Variants in SMTN observed in about 807,000 individuals in gnomAD.
The protein encoded by SMTN is smoothelin.
In SMTN, 58 loss-of-function variants were observed where a neutral mutation model predicts 102.0. That is an observed-to-expected ratio of 0.57 (90% confidence interval 0.46 to 0.71). The LOEUF is 0.71. Ranked by LOEUF, SMTN falls within the 30% of genes least tolerant of loss-of-function variation. The probability of loss-of-function intolerance (pLI) is 0.00; values close to 1 mark genes in which losing one functional copy is unlikely to be tolerated. For missense variants in SMTN, 1,185 were observed against 1,241.7 expected (o/e 0.95, Z 0.69); for synonymous variants, 478 against 497.9 (o/e 0.96, Z 0.53).
chr22:31,089,395 C>G (rs2042946594), intron 6 of SMTN, among the ~76,000 whole-genome samples: 1 of 152,220 alleles, frequency 6.6e-6, no homozygotes, highest in Non-Finnish European at 1.5e-5. Flanking sequence ...GGAACCTCCA[C>G]TCCAGGGATC....
Position 31,098,784 on chromosome 22 carries a change from A to G in SMTN, c.2277A>G (p.Ser759=). ...AGGCGCAGAGTCTGCCCAAGACCTC[A>G]GCCTCCCAGGCGCGCAAGGCCATGA... The part of the protein sequence containing the change: ...LMKAQSLPKT[S]ASQARKAMIE... The change falls in exon 17 of 21, where the codon TCA becomes TCG. Residue 759 remains serine (S), a synonymous_variant. Transcript: ENST00000333137. 2 of 1,613,084 alleles carry G rather than the reference A, an allele frequency of 1.2e-6. No homozygotes were observed. The highest frequency in any genetic ancestry group is 8.5e-7 in the Non-Finnish European group (1 of 1,179,850).
In SMTN at chr22:31,101,058, C is replaced by T. The variant is rs769622126; in HGVS notation, c.*20+9C>T. On this transcript the variant is annotated intron_variant, in intron 20 of 20. Coordinates refer to ENST00000333137, the MANE Select transcript of SMTN (RefSeq NM_134269.3). Reference sequence around the variant, plus strand: ...CTGCTCGGGGCCCCACGGTGAGAAACGCCGCCTCTACCACCTGCCCCGTTT... The same window carrying T: ...CTGCTCGGGGCCCCACGGTGAGAAATGCCGCCTCTACCACCTGCCCCGTTT... The T allele has an allele frequency of 2.6e-5, 42 of 1,586,032 alleles. No homozygotes were observed. Among genetic ancestry groups the T allele is most frequent in the African/African-American group, 2.0e-4 (15 of 74,236 alleles).
At position 31,089,780 on chromosome 22, in the gene SMTN, A is replaced by T; in HGVS notation, c.553A>T (p.Thr185Ser). 6.2e-7 allele frequency: 1 copy of T among 1,613,004 alleles called. No individual in the cohort carries two copies. The highest frequency in any genetic ancestry group is 8.5e-7 in the Non-Finnish European group (1 of 1,179,944). ...CCCTGAAGGCACCAGCCAGGATGTG[A>T]CCACAGTGACACTCCTGCTGCGAGC... is the stretch of plus-strand genomic sequence containing the variant. ...PTPEGTSQDV[T>S]TVTLLLRAPP... The change falls in exon 7 of 21, where the codon ACC becomes TCC. Residue 185 changes from threonine (T) to serine (S), a missense_variant. By Grantham distance (58) the Thr-to-Ser change is moderately conservative (BLOSUM62 1). This residue lies in a region of SMTN where 1,096 missense variants were observed against 1,112.7 expected (regional missense o/e 0.98). Transcript: ENST00000333137.
intron 11 of SMTN, among the ~76,000 whole-genome samples, chr22:31,092,993 G>C (rs1018468763): frequency 6.6e-6 from 1 of 152,238 alleles, no homozygotes; most frequent in Non-Finnish European, 1.5e-5. Flanking sequence ...GCTGGAGTTA[G>C]GGTAAAGGGT....
rs2044348813 is a variant in SMTN at position 31,104,586 on chromosome 22, A to G, written c.*291A>G. 3 of 944,092 alleles carry G rather than the reference A, an allele frequency of 3.2e-6. No homozygotes were observed. The highest frequency in any genetic ancestry group is 2.5e-5 in the East Asian group (1 of 39,824). The allele number at this position is 944,092 out of a possible 1,614,324, so 58.5% of individuals were successfully genotyped here. A position where few individuals can be genotyped will look rare whatever the true frequency, so the allele number is the denominator to read the frequency against. ...TGTTGCGACACCCTCCCCCCCACAT[A>G]CACACGCAGCGTTTTGATAAATTAT... On this transcript the variant is annotated 3_prime_UTR_variant, in exon 21 of 21. Transcript: ENST00000333137.
Position 31,099,165 on chromosome 22 carries a change from A to G in SMTN, c.2437A>G (p.Thr813Ala), listed in dbSNP as rs1284980958. The G allele has an allele frequency of 1.2e-6, 2 of 1,612,204 alleles. No homozygotes were observed. The highest frequency in any genetic ancestry group is 2.2e-5 in the East Asian group (1 of 44,860). Residue 813 changes from threonine (T) to alanine (A), a missense_variant, in exon 18 of 21, where the codon ACT becomes GCT. By Grantham distance (58) the Thr-to-Ala change is moderately conservative. Transcript: ENST00000333137. ...GCTGCTGGACTGGTGTCGAGCCAAG[A>G]CTCGCGGCTACGAGGTGAGCCCCGG... ...QMLLDWCRAK[T>A]RGYEHVDIQN...
chr22:31,073,011 C>CT lies in SMTN; in HGVS notation c.-385-7418dup, dbSNP rs59040826. Among the ~76,000 whole-genome samples, 79 of 85,622 alleles carry CT rather than the reference C, an allele frequency of 9.2e-4. 3 individuals are homozygous for CT. Among genetic ancestry groups the CT allele is most frequent in the East Asian group, 2.0e-3 (7 of 3,510 alleles). 56.2% of individuals were successfully genotyped at this position (85,622 alleles called of 152,430 possible). A position where few individuals can be genotyped will look rare whatever the true frequency, so the allele number is the denominator to read the frequency against. On this transcript the variant is annotated intron_variant, in intron 1 of 3. Transcript: ENST00000422839. Reference sequence around the variant, plus strand: ...GCTGAAGTTGATTCTCTCTCTCTCTCTTTTTTTTTTTTTTTTTTTTTGAGA... The same window carrying CT: ...GCTGAAGTTGATTCTCTCTCTCTCTCTTTTTTTTTTTTTTTTTTTTTTGAGA...
rs765395165 is a variant in SMTN, at chr22:31,083,236, C to A, written c.-23C>A. 2 of 1,597,336 alleles carry A rather than the reference C, an allele frequency of 1.3e-6. No individual in the cohort carries two copies. The highest frequency in any genetic ancestry group is 1.7e-6 in the Non-Finnish European group (2 of 1,174,264). On this transcript the variant is annotated 5_prime_UTR_variant, in exon 2 of 21. Coordinates refer to ENST00000333137, the MANE Select transcript of SMTN (RefSeq NM_134269.3). ...ACTGGGGATCTCACCAGAAAGGAACCGACGGAGCTAGGGGCCAGCGAGATG... is the reference window on the plus strand; with the variant it reads ...ACTGGGGATCTCACCAGAAAGGAACAGACGGAGCTAGGGGCCAGCGAGATG...
chr22:31,094,914 G>A (rs1394644041), intron 11 of SMTN, among the ~76,000 whole-genome samples: 1 of 152,040 alleles, frequency 6.6e-6, no homozygotes, highest in African/African-American at 2.4e-5. Context: ...TCAAACTGCT[G>A]GCAACAAGTG....
chr22:31,104,297 C>T lies in SMTN; in HGVS notation c.*21-19C>T, dbSNP rs747052977. The T allele has an allele frequency of 2.5e-6, 4 of 1,612,996 alleles. No individual in the cohort carries two copies. Among genetic ancestry groups the T allele is most frequent in the Non-Finnish European group, 3.4e-6 (4 of 1,179,174 alleles). On this transcript the variant is annotated intron_variant, in intron 20 of 20. Transcript: ENST00000333137. The stretch of plus-strand genomic sequence containing the variant: ...GCGGGTCTGGCGCTGACATCCAACC[C>T]CGTGCCCCCTCCCTGCAGGATGCTG...
intron 1 of SMTN, among the ~76,000 whole-genome samples, chr22:31,070,532 T>A (rs1602571948): frequency 1.3e-5 from 2 of 152,332 alleles, no homozygotes; most frequent in African/African-American, 2.4e-5. Context: ...AGTTTTTTGT[T>A]CAACAATTTC....
chr22:31,091,178 C>T lies in SMTN; in HGVS notation c.1155C>T (p.Gly385=), dbSNP rs1281848784. 6.2e-7 allele frequency: 1 copy of T among 1,613,468 alleles called. No individual in the cohort carries two copies. The highest frequency in any genetic ancestry group is 1.3e-5 in the African/African-American group (1 of 74,926). ...ASSSSGSSSR[G]PSDTSSRFSK... ...CCTCCAGCGGCTCCTCCTCTCGGGGCCCCAGTGATACCTCCTCCCGGTTCA... is the reference window on the plus strand; with the variant it reads ...CCTCCAGCGGCTCCTCCTCTCGGGGTCCCAGTGATACCTCCTCCCGGTTCA... The change falls in exon 10 of 21, where the codon GGC becomes GGT. Residue 385 remains glycine (G), a synonymous_variant. Transcript: ENST00000333137.
chr22:31,084,996 A>C, intron 2 of SMTN: 3 of 1,479,448 alleles, frequency 2.0e-6, no homozygotes, highest in East Asian at 5.1e-5. Flanking sequence ...CCTGCGCCCC[A>C]GCGTCTGGCC....
At position 31,101,059 on chromosome 22, in the gene SMTN, G is replaced by A. The variant is rs1300157394; in HGVS notation, c.*20+10G>A. On this transcript the variant is annotated intron_variant, in intron 20 of 20. Transcript: ENST00000333137. ...TGCTCGGGGCCCCACGGTGAGAAAC[G>A]CCGCCTCTACCACCTGCCCCGTTTC... 9 of 1,585,966 alleles carry A rather than the reference G, an allele frequency of 5.7e-6. No homozygotes were observed. Among genetic ancestry groups the A allele is most frequent in the African/African-American group, 1.3e-5 (1 of 74,350 alleles).
chr22:31,077,619 G>A (rs1172839692), upstream of SMTN, among the ~76,000 whole-genome samples: 1 of 151,944 alleles, frequency 6.6e-6, no homozygotes, highest in African/African-American at 2.4e-5. Context: ...CAGGCATCAG[G>A]GACTCCCAGA....
At chr22:31,088,994 A>G (rs748509082) in intron 6 of SMTN, 25 bp downstream of exon 6, 1 of 1,584,542 alleles carries the variant, frequency 6.3e-7, no homozygotes, top group Admixed American at 1.7e-5. Context: ...AGAGTGGCCC[A>G]GTGTCCTGTG....
At position 31,091,655 on chromosome 22, in the gene SMTN, C is replaced by A. The variant is rs779256701; in HGVS notation, c.1460-20C>A. The stretch of plus-strand genomic sequence containing the variant: ...TCACTCCACCTGATCCTCCTGACAG[C>A]CACCTTTCTCCCCACTCAGAACTGA... On this transcript the variant is annotated intron_variant, in intron 10 of 20. Coordinates refer to ENST00000333137, the MANE Select transcript of SMTN (RefSeq NM_134269.3). 4.5e-6 allele frequency: 7 copies of A among 1,566,026 alleles called. No individual in the cohort carries two copies. The African/African-American group carries it at 9.5e-5, about 21-fold the overall frequency.
rs778233346 is a variant in SMTN at position 31,095,391 on chromosome 22, G to A, written c.1721G>A (p.Gly574Glu). 1 of 1,614,248 alleles carries A rather than the reference G, an allele frequency of 6.2e-7. No individual in the cohort carries two copies. Among genetic ancestry groups the A allele is most frequent in the South Asian group, 1.1e-5 (1 of 91,080 alleles). Residue 574 changes from glycine to glutamate, a missense_variant, in exon 12 of 21, where the codon GGG (glycine) becomes GAG (glutamate). Gly to Glu is a moderately conservative substitution (Grantham distance 98, BLOSUM62 -2). Coordinates refer to ENST00000333137, the MANE Select transcript of SMTN (RefSeq NM_134269.3). This position sits in a 1 kb window ranked among gnomAD's most constrained non-coding sequence, Gnocchi z 4.1. ...EQTRVNKAPE[G>E]RSPLSAEELM... ...ACCCGAGTGAACAAAGCACCAGAAG[G>A]GCGGAGCCCTCTGAGCGCTGAGGAG... is the stretch of plus-strand genomic sequence containing the variant.
rs1264430081 is a variant in SMTN, at chr22:31,088,727, G to C, written c.323G>C (p.Arg108Pro). The C allele has an allele frequency of 6.2e-7, 1 of 1,613,166 alleles. No homozygotes were observed. The highest frequency in any genetic ancestry group is 8.5e-7 in the Non-Finnish European group (1 of 1,179,578). Residue 108 changes from arginine to proline, a missense_variant, in exon 5 of 21, where the codon CGC becomes CCC. By Grantham distance (103) the Arg-to-Pro change is moderately radical. Transcript: ENST00000333137. Reference sequence around the variant, plus strand: ...CGAAGCGCTGGTGAGTATGAGGAGCGCAAGCTGATCCGAGCTGCCATCCGC... The same window carrying C: ...CGAAGCGCTGGTGAGTATGAGGAGCCCAAGCTGATCCGAGCTGCCATCCGC... Reference protein sequence around the residue: ...LLRSAGEYEERKLIRAAIRRV... With the variant: ...LLRSAGEYEEPKLIRAAIRRV...
Sources: allele counts gnomAD v4.1 joint callset (sites outside exome capture counted in the v4.1 genomes callset), GRCh38; gene constraint gnomAD v4.1.1; regional missense constraint gnomAD v4.1.1; non-coding constraint Gnocchi (gnomAD v3.1); transcripts MANE v1.5; gene names NCBI Gene and HGNC (gene_info 2026-07-23, HGNC 2026-07-21).